PHF8: variants seen among roughly 807,000 people sequenced by gnomAD.
PHF8 encodes the protein PHD finger protein 8.
In PHF8, 9 loss-of-function variants were observed where a neutral mutation model predicts 74.4. That is an observed-to-expected ratio of 0.12 (90% confidence interval 0.07 to 0.21). The LOEUF (loss-of-function observed/expected upper bound fraction) is 0.21, where lower values mean the gene tolerates loss of function less well. Ranked by LOEUF, PHF8 falls within the 10% of genes least tolerant of loss-of-function variation. The probability of loss-of-function intolerance (pLI) is 1.00; values close to 1 mark genes in which losing one functional copy is unlikely to be tolerated. For missense variants in PHF8, 478 were observed against 816.6 expected (o/e 0.59, Z 5.05); for synonymous variants, 311 against 316.6 (o/e 0.98, Z 0.19).
chrX:54,044,832 CGGCGGG>C, upstream of PHF8: 1 of 1,098,942 alleles, frequency 9.1e-7, no homozygotes, highest in Non-Finnish European at 1.2e-6. Flanking sequence ...TAATAGGTGG[CGGCGGG>C]GGCGGGCTTC....
intron 20 of PHF8, chrX:53,942,669 G>C: frequency 1.4e-6 from 1 of 706,870 alleles, no homozygotes; most frequent in African/African-American, 2.7e-5. Context: ...ATGATTGTAA[G>C]TACCACGAAT....
chrX:54,024,774 C>A, intron 2 of PHF8, among the ~76,000 whole-genome samples: 1 of 112,530 alleles, frequency 8.9e-6, no homozygotes, highest in Non-Finnish European at 1.9e-5. Flanking sequence ...GAAGTTTTTA[C>A]AGCAATTTAA....
chrX:54,028,227 GA>G (rs782038274), intron 2 of PHF8, among the ~76,000 whole-genome samples: 3 of 111,386 alleles, frequency 2.7e-5, no homozygotes, highest in African/African-American at 9.8e-5. Flanking sequence ...AGGTAGCAGA[GA>G]GGAGGAGAGT....
intron 18 of PHF8, among the ~76,000 whole-genome samples, chrX:53,964,031 T>C (rs1229454734): frequency 2.7e-5 from 3 of 112,089 alleles, no homozygotes; most frequent in African/African-American, 9.7e-5. Flanking sequence ...GTGGCACACA[T>C]ATACCATGGA....
chrX:54,002,217 C>T lies in PHF8; in HGVS notation c.1079G>A (p.Arg360Lys). Residue 360 changes from arginine (R) to lysine (K), a missense_variant, in exon 10 of 22, where the codon AGA (arginine) becomes AAA (lysine). Arg to Lys is a conservative substitution (Grantham distance 26). Coordinates refer to ENST00000338154, the MANE Select transcript of PHF8 (RefSeq NM_015107.3). ...ACAGATGGTCTCAAAGTTGGGGAAT[C>T]TGAAGAGGTCTGCTGTGCTCAGCCG... is the stretch of plus-strand genomic sequence containing the variant. ...EKRLSTADLF[R>K]FPNFETICWY... 8.3e-7 allele frequency: 1 copy of T among 1,200,396 alleles called. No individual in the cohort carries two copies. The highest frequency in any genetic ancestry group is 1.1e-6 in the Non-Finnish European group (1 of 885,556).
In PHF8 at chrX:54,043,856, A is replaced by C; in HGVS notation, c.-187T>G. On this transcript the variant is annotated 5_prime_UTR_variant, in exon 1 of 22. It removes an upstream start codon present in the reference 5' UTR. Transcript: ENST00000338154. ...TCCAGAATCCTACAGGGACCTCCTC[A>C]TGCTTTGGGCTGCAAGGACTCCACG... is the stretch of plus-strand genomic sequence containing the variant. 2.7e-6 allele frequency: 2 copies of C among 753,797 alleles called. No individual in the cohort carries two copies. The highest frequency in any genetic ancestry group is 3.1e-6 in the Non-Finnish European group (2 of 638,537). 62.1% of individuals were successfully genotyped at this position (753,797 alleles called of 1,213,427 possible). A position where few individuals can be genotyped will look rare whatever the true frequency, so the allele number is the denominator to read the frequency against.
intron 19 of PHF8, among the ~76,000 whole-genome samples, chrX:53,948,562 C>T (rs1449707412): frequency 4.5e-5 from 5 of 110,937 alleles, no homozygotes; most frequent in African/African-American, 9.8e-5. Context: ...CGTGAACCAT[C>T]GGGTAAAATA....
At chrX:54,041,400 A>G (rs1457516417) in intron 2 of PHF8, among the ~76,000 whole-genome samples, 1 of 108,679 alleles carries the variant, frequency 9.2e-6, no homozygotes, top group African/African-American at 3.4e-5. Flanking sequence ...AAAAAAAAAA[A>G]AAAAGAAAAA....
At chrX:53,995,874 T>C (rs2065738652) in intron 11 of PHF8, 92 bp from the exon 12 acceptor site, 2 of 497,592 alleles carry the variant, frequency 4.0e-6, no homozygotes, top group Non-Finnish European at 6.9e-6. Context: ...GGAGAAAGAG[T>C]AGTCTTTTCA....
At chrX:53,989,762 T>A (rs782674715) in intron 14 of PHF8, among the ~76,000 whole-genome samples, 2 of 112,382 alleles carry the variant, frequency 1.8e-5, no homozygotes, top group East Asian at 5.6e-4. Context: ...GTGAATTGTC[T>A]GTCATTTAAC....
At chrX:54,032,188 C>G (rs2066370528) in intron 2 of PHF8, among the ~76,000 whole-genome samples, 1 of 111,562 alleles carries the variant, frequency 9.0e-6, no homozygotes, top group Non-Finnish European at 1.9e-5. Flanking sequence ...TAGCGTGCAT[C>G]TGAAAGGCTG....
chrX:53,956,627 T>C (rs1557088746), intron 19 of PHF8, among the ~76,000 whole-genome samples: 1 of 111,162 alleles, frequency 9.0e-6, no homozygotes. Flanking sequence ...CAAATTTTCC[T>C]GTAGAATGAG....
rs2065952773 is a variant in PHF8, at chrX:54,009,844, G to GGAAAAAAAAAAAA, written c.946+1277_946+1278insTTTTTTTTTTTTC. ...GGTGACAGAGTGAGACTCTGTCTCA[G>GGAAAAAAAAAAAA]AAAAAAAAAAAAAAAAAAAAAAAAA... On this transcript the variant is annotated intron_variant, in intron 8 of 21. Transcript: ENST00000338154. Among the ~76,000 whole-genome samples, 50 of 9,390 alleles carry GGAAAAAAAAAAAA rather than the reference G, an allele frequency of 5.3e-3. 8 individuals are homozygous for GGAAAAAAAAAAAA. The highest frequency in any genetic ancestry group is 0.014 in the Admixed American group (5 of 358). 8.2% of individuals were successfully genotyped at this position (9,390 alleles called of 115,157 possible).
chrX:54,042,736 C>T lies in PHF8; in HGVS notation c.-8G>A, dbSNP rs993263530. The T allele has an allele frequency of 8.3e-7, 1 of 1,204,613 alleles. No homozygotes were observed. Among genetic ancestry groups the T allele is most frequent in the African/African-American group, 1.7e-5 (1 of 57,268 alleles). ...CACCGGCACCGAGGCCATCTTCGCT[C>T]GGCCCTGGAGCGTTCTGCGGCCGGC... On this transcript the variant is annotated 5_prime_UTR_variant, in exon 2 of 22. Transcript: ENST00000338154.
At chrX:54,041,145 T>G (rs1228029149) in intron 2 of PHF8, among the ~76,000 whole-genome samples, 1 of 110,426 alleles carries the variant, frequency 9.1e-6, no homozygotes, top group Non-Finnish European at 1.9e-5. Context: ...TGTGGGAGGC[T>G]GAGGCGGGCG....
At chrX:53,975,349 A>G (rs2065356852) in intron 18 of PHF8, among the ~76,000 whole-genome samples, 1 of 112,112 alleles carries the variant, frequency 8.9e-6, no homozygotes. Flanking sequence ...CTACCATATG[A>G]TCCAGCAATT....
chrX:53,957,566 G>C (rs782199929), intron 19 of PHF8, among the ~76,000 whole-genome samples: 69 of 110,620 alleles, frequency 6.2e-4, no homozygotes, highest in Non-Finnish European at 1.1e-3. Flanking sequence ...AACCCTCATG[G>C]TAGAGACTAC....
chrX:54,034,736 T>A (rs1019388529), intron 2 of PHF8, among the ~76,000 whole-genome samples: 1 of 108,114 alleles, frequency 9.2e-6, no homozygotes, highest in Non-Finnish European at 1.9e-5. Flanking sequence ...AGGCAGAGAA[T>A]TGTTTAAACC....
At chrX:54,021,454 ATTTTTTT>A (rs1156928686) in intron 4 of PHF8, among the ~76,000 whole-genome samples, 6 of 42,166 alleles carry the variant, frequency 1.4e-4, no homozygotes, top group Non-Finnish European at 1.9e-4. Context: ...AGTTGCAATT[ATTTTTTT>A]TTTTTTTTTT....
Sources: allele counts gnomAD v4.1 joint callset (sites outside exome capture counted in the v4.1 genomes callset), GRCh38; gene constraint gnomAD v4.1.1; transcripts MANE v1.5; gene names NCBI Gene and HGNC (gene_info 2026-07-23, HGNC 2026-07-21).